Variants in EAF2 observed in about 807,000 individuals in gnomAD.
EAF2 encodes ELL associated factor 2.
A neutral mutation model predicts 29.4 loss-of-function variants in EAF2; 29 were observed. That is an observed-to-expected ratio of 0.99 (90% CI 0.73 to 1.35). The LOEUF is 1.35. EAF2 is among the 40% of genes most tolerant of loss of function. The pLI is 0.00. For missense variants in EAF2, 292 were observed against 312.0 expected (o/e 0.94, Z 0.48); for synonymous variants, 103 against 102.5 (o/e 1.00, Z -0.03).
intron 5 of EAF2, among the ~76,000 whole-genome samples, chr3:121,878,520 A>G (rs1022297949): frequency 6.6e-6 from 1 of 152,072 alleles, no homozygotes; most frequent in African/African-American, 2.4e-5. Flanking sequence ...ATTTAACTGT[A>G]TTTTTGTACC....
chr3:121,849,388 C>T (rs1299681673), intron 2 of EAF2, among the ~76,000 whole-genome samples: 1 of 152,146 alleles, frequency 6.6e-6, no homozygotes, highest in Admixed American at 6.5e-5. Context: ...AATCTCTCTT[C>T]CTTACAAACA....
chr3:121,877,409 G>C (rs963046644), intron 5 of EAF2, among the ~76,000 whole-genome samples: 1 of 151,912 alleles, frequency 6.6e-6, no homozygotes, highest in Admixed American at 6.6e-5. Flanking sequence ...AATGCAAAGT[G>C]AGTGGTCATA....
intron 1 of EAF2, among the ~76,000 whole-genome samples, chr3:121,840,111 A>G (rs1708382986): frequency 6.7e-6 from 1 of 149,884 alleles, no homozygotes; most frequent in African/African-American, 2.5e-5. Flanking sequence ...AATTGCTTGA[A>G]CCGAAGAGGC....
At position 121,854,841 on chromosome 3, in the gene EAF2, ATAAAT is replaced by A. The variant is rs1708691842; in HGVS notation, c.338+21_338+25del. ...AAAACAAGGTATGTGGTTTAATGAA[ATAAAT>A]TATATTATAAACATAAATTTCTAAG... On this transcript the variant is annotated intron_variant, in intron 3 of 5. Coordinates refer to ENST00000273668, the MANE Select transcript of EAF2 (RefSeq NM_018456.6). 43 of 1,525,360 alleles carry A rather than the reference ATAAAT, an allele frequency of 2.8e-5. No homozygotes were observed. The highest frequency in any genetic ancestry group is 3.8e-5 in the Non-Finnish European group (43 of 1,146,094). 94.5% of individuals were successfully genotyped at this position (1,525,360 alleles called of 1,614,324 possible). A position where few individuals can be genotyped will look rare whatever the true frequency, so the allele number is the denominator to read the frequency against.
intron 4 of EAF2, among the ~76,000 whole-genome samples, chr3:121,861,060 T>C (rs1372864183): frequency 6.6e-6 from 1 of 152,228 alleles, no homozygotes; most frequent in East Asian, 1.9e-4. Context: ...TCTATTCTTT[T>C]ATATTTGCTG....
intron 5 of EAF2, among the ~76,000 whole-genome samples, chr3:121,881,045 T>C (rs1305009840): frequency 2.6e-5 from 4 of 152,248 alleles, no homozygotes; most frequent in African/African-American, 9.6e-5. Context: ...TTTGGGTATG[T>C]TGAACCATTC....
At position 121,861,039 on chromosome 3, in the gene EAF2, T is replaced by G. The variant is rs1236680629; in HGVS notation, c.484+3883T>G. 3.9e-5 allele frequency among the ~76,000 whole-genome samples: 6 copies of G among 152,296 alleles called. No individual in the cohort carries two copies. The South Asian group carries it at 8.3e-4, about 21-fold the overall frequency. On this transcript the variant is annotated intron_variant, in intron 4 of 5. Transcript: ENST00000273668. ...ATTGCACTGTGTTCTGAGAGACAGT[T>G]TGTTGTGATTTCTATTCTTTTATAT... is the stretch of plus-strand genomic sequence containing the variant.
At chr3:121,840,445 C>T (rs1292578322) in intron 1 of EAF2, among the ~76,000 whole-genome samples, 1 of 136,708 alleles carries the variant, frequency 7.3e-6, no homozygotes, top group Admixed American at 7.8e-5. Context: ...GGGCCAAGAT[C>T]GCGCCACTGC....
Position 121,835,507 on chromosome 3 carries a change from G to A in EAF2, c.106+116G>A, listed in dbSNP as rs1708250792. The stretch of plus-strand genomic sequence containing the variant: ...CCCTTACACTGTTGGAGACTACGGG[G>A]CGGGGAGGGGGGAGGCAGCGCGATC... On this transcript the variant is annotated intron_variant, in intron 1 of 5. Coordinates refer to ENST00000273668, the MANE Select transcript of EAF2 (RefSeq NM_018456.6). 4.3e-6 allele frequency: 4 copies of A among 931,024 alleles called. No individual in the cohort carries two copies. The Admixed American group carries it at 6.3e-5, about 15-fold the overall frequency. The allele number at this position is 931,024 out of a possible 1,614,324, so 57.7% of individuals were successfully genotyped here.
intron 4 of EAF2, among the ~76,000 whole-genome samples, chr3:121,866,622 G>T (rs1413685340): frequency 1.3e-5 from 2 of 152,108 alleles, no homozygotes; most frequent in African/African-American, 2.4e-5. Flanking sequence ...CTACTTGGGA[G>T]GCTGAGGCAG....
At chr3:121,868,459 C>T (rs1164462740) in intron 4 of EAF2, among the ~76,000 whole-genome samples, 2 of 152,100 alleles carry the variant, frequency 1.3e-5, no homozygotes, top group Non-Finnish European at 2.9e-5. Flanking sequence ...ATTAGCCAAG[C>T]ACGGTGGCAC....
intron 5 of EAF2, among the ~76,000 whole-genome samples, chr3:121,877,767 T>C (rs1161456741): frequency 6.6e-6 from 1 of 152,072 alleles, no homozygotes; most frequent in African/African-American, 2.4e-5. Context: ...AATTAATTAA[T>C]TAATTGATTA....
At chr3:121,851,128 T>C (rs1317576499) in intron 2 of EAF2, among the ~76,000 whole-genome samples, 1 of 152,208 alleles carries the variant, frequency 6.6e-6, no homozygotes, top group Non-Finnish European at 1.5e-5. Context: ...GATTCCTTTG[T>C]TGTATGGTTA....
chr3:121,864,292 C>T (rs926533832), intron 4 of EAF2, among the ~76,000 whole-genome samples: 3 of 152,104 alleles, frequency 2.0e-5, no homozygotes, highest in Non-Finnish European at 2.9e-5. Context: ...CTTCTAAGCC[C>T]AGTAGAGTAT....
chr3:121,861,315 G>A (rs1477533734), intron 4 of EAF2, among the ~76,000 whole-genome samples: 1 of 152,100 alleles, frequency 6.6e-6, no homozygotes, highest in Non-Finnish European at 1.5e-5. Context: ...AAGTCTCTTT[G>A]TATGTCTCTA....
chr3:121,873,874 G>A (rs1173218606), intron 5 of EAF2, among the ~76,000 whole-genome samples: 1 of 151,800 alleles, frequency 6.6e-6, no homozygotes, highest in African/African-American at 2.4e-5. Flanking sequence ...CTGAAGCTAA[G>A]AAGCTTCACC....
intron 5 of EAF2, among the ~76,000 whole-genome samples, chr3:121,880,688 C>G (rs1709179098): frequency 1.3e-5 from 2 of 152,006 alleles, no homozygotes; most frequent in Non-Finnish European, 2.9e-5. Context: ...AGTTTGACTT[C>G]CTCCTTTGCA....
At chr3:121,836,703 A>G (rs1333468413) in intron 1 of EAF2, 2 of 987,238 alleles carry the variant, frequency 2.0e-6, no homozygotes, top group Non-Finnish European at 1.2e-6. Flanking sequence ...CTTCAGTCCC[A>G]TTTTCCGGAA....
rs116540793 is a variant in EAF2, at chr3:121,882,685, C to A, written c.737-3657C>A. On this transcript the variant is annotated intron_variant, in intron 5 of 5. Coordinates refer to ENST00000273668, the MANE Select transcript of EAF2 (RefSeq NM_018456.6). ...CCAAAAGAATCAGCAAACGATAGAACTAATAAAATAATTTGGAAAGATTAC... is the reference window on the plus strand; with the variant it reads ...CCAAAAGAATCAGCAAACGATAGAAATAATAAAATAATTTGGAAAGATTAC... Among the ~76,000 whole-genome samples the A allele has an allele frequency of 1.0e-2, 1,513 of 151,416 alleles. 18 individuals carry two copies. Among genetic ancestry groups the A allele is most frequent in the African/African-American group, 0.034 (1,407 of 41,380 alleles).
Sources: allele counts gnomAD v4.1 joint callset (sites outside exome capture counted in the v4.1 genomes callset), GRCh38; gene constraint gnomAD v4.1.1; transcripts MANE v1.5; gene names NCBI Gene and HGNC (gene_info 2026-07-23, HGNC 2026-07-21).